ZNF804B: variants seen among roughly 807,000 people sequenced by gnomAD.
ZNF804B encodes the protein zinc finger 804B.
A neutral mutation model predicts 101.4 loss-of-function variants in ZNF804B; 80 were observed. That is an observed-to-expected ratio of 0.79 (90% CI 0.66 to 0.95). The LOEUF (loss-of-function observed/expected upper bound fraction) is 0.95. Ranked by LOEUF, ZNF804B falls within the 40% of genes least tolerant of loss-of-function variation. ZNF804B has a pLI of 0.00. For missense variants in ZNF804B, 1,673 were observed against 1,561.9 expected (o/e 1.07, Z -1.20); for synonymous variants, 622 against 558.8 (o/e 1.11, Z -1.59).
chr7:88,776,538 T>C (rs1790141611), intron 1 of ZNF804B, among the ~76,000 whole-genome samples: 1 of 150,802 alleles, frequency 6.6e-6, no homozygotes, highest in African/African-American at 2.4e-5. Flanking sequence ...TGTAGTGGCT[T>C]TTCTATTTCT....
chr7:89,289,245 C>T (rs10262799), intron 2 of ZNF804B, among the ~76,000 whole-genome samples: 140 of 152,118 alleles, frequency 9.2e-4, no homozygotes, highest in African/African-American at 3.1e-3. Context: ...GTTGTCGTTA[C>T]GTTAAATATA....
chr7:88,941,314 G>T (rs1468715877), intron 1 of ZNF804B, among the ~76,000 whole-genome samples: 1 of 152,036 alleles, frequency 6.6e-6, no homozygotes, highest in East Asian at 1.9e-4. Context: ...CCTGCACACA[G>T]ATATTTATAG....
chr7:89,055,055 G>A (rs1789269669), intron 1 of ZNF804B, among the ~76,000 whole-genome samples: 1 of 152,082 alleles, frequency 6.6e-6, no homozygotes, highest in Non-Finnish European at 1.5e-5. Flanking sequence ...AGAGTAATGA[G>A]TTAAAGAGTG....
intron 1 of ZNF804B, among the ~76,000 whole-genome samples, chr7:89,100,158 A>G (rs930361798): frequency 1.3e-5 from 2 of 152,200 alleles, no homozygotes; most frequent in African/African-American, 2.4e-5. Flanking sequence ...AAGTAAATCC[A>G]TACATCTACA....
intron 2 of ZNF804B, among the ~76,000 whole-genome samples, chr7:89,224,712 A>ATGTGTGTGTGTGTG (rs56064065): frequency 6.9e-6 from 1 of 144,076 alleles, no homozygotes; most frequent in South Asian, 2.2e-4. Context: ...CTGGCAAAGT[A>ATGTGTGTGTGTGTG]TGTGTGTGTG....
intron 1 of ZNF804B, among the ~76,000 whole-genome samples, chr7:88,981,821 T>C (rs1043181804): frequency 6.6e-6 from 1 of 151,988 alleles, no homozygotes; most frequent in African/African-American, 2.4e-5. Context: ...CGCAAGCATA[T>C]ACAGATTATC....
intron 1 of ZNF804B, among the ~76,000 whole-genome samples, chr7:88,816,729 A>T (rs1301440530): frequency 7.1e-6 from 1 of 141,464 alleles, no homozygotes; most frequent in African/African-American, 2.7e-5. Context: ...AAAGTCAGGA[A>T]ACAACAGGTG....
rs576295730 is a variant in ZNF804B at position 88,809,137 on chromosome 7, T to C, written c.108+49053T>C. The stretch of plus-strand genomic sequence containing the variant: ...CTTGGTATTTTAAGGATTTCTAATG[T>C]GAAAGAATCTGCCTTACTAAGTAAC... On this transcript the variant is annotated intron_variant, in intron 1 of 3. Transcript: ENST00000333190. 1.2e-3 allele frequency among the ~76,000 whole-genome samples: 189 copies of C among 152,322 alleles called. No homozygotes were observed. The Middle Eastern group carries it at 0.02, about 16-fold the overall frequency.
chr7:88,934,174 C>G (rs1792932983), intron 1 of ZNF804B, among the ~76,000 whole-genome samples: 1 of 151,920 alleles, frequency 6.6e-6, no homozygotes, highest in East Asian at 1.9e-4. Context: ...AAAGGATAAT[C>G]TATTCAATAA....
chr7:89,157,147 G>A (rs1459296136), intron 1 of ZNF804B, among the ~76,000 whole-genome samples: 1 of 152,170 alleles, frequency 6.6e-6, no homozygotes, highest in African/African-American at 2.4e-5. Flanking sequence ...TAAAACAAAT[G>A]CCTAGGGTAG....
chr7:88,968,081 A>G (rs1793483278), intron 1 of ZNF804B, among the ~76,000 whole-genome samples: 1 of 151,704 alleles, frequency 6.6e-6, no homozygotes, highest in South Asian at 2.1e-4. Context: ...AAATTCATCA[A>G]GAGAGTCTTC....
At chr7:88,761,928 A>G (rs770297267) in intron 1 of ZNF804B, among the ~76,000 whole-genome samples, 8 of 152,174 alleles carry the variant, frequency 5.3e-5, no homozygotes, top group Non-Finnish European at 1.0e-4. Context: ...GACTGACACT[A>G]TAGAGACTGG....
At chr7:89,055,881 T>C (rs1393974134) in intron 1 of ZNF804B, among the ~76,000 whole-genome samples, 1 of 152,124 alleles carries the variant, frequency 6.6e-6, no homozygotes, top group African/African-American at 2.4e-5. Flanking sequence ...CTTAGAAGAA[T>C]AGATGAAAGC....
At chr7:89,135,114 G>A (rs775587556) in intron 1 of ZNF804B, among the ~76,000 whole-genome samples, 7 of 152,034 alleles carry the variant, frequency 4.6e-5, no homozygotes, top group Non-Finnish European at 1.0e-4. Flanking sequence ...GTTTCAAAGC[G>A]AATCAAGACC....
At chr7:89,004,164 G>T (rs1255892111) in intron 1 of ZNF804B, among the ~76,000 whole-genome samples, 1 of 150,986 alleles carries the variant, frequency 6.6e-6, no homozygotes, top group East Asian at 1.9e-4. Context: ...ATTTTAAAAT[G>T]TATTCAAAAA....
Position 88,781,854 on chromosome 7 carries a change from C to A in ZNF804B, c.108+21770C>A, listed in dbSNP as rs78154344. ...CTTATTAGCTTCAAGAGACAAAAAC[C>A]CCCGCGACACTTTACCTGACTTAAG... On this transcript the variant is annotated intron_variant, in intron 1 of 3. Coordinates refer to ENST00000333190, the MANE Select transcript of ZNF804B (RefSeq NM_181646.5). Among the ~76,000 whole-genome samples the A allele has an allele frequency of 6.8e-3, 1,032 of 152,100 alleles. 14 individuals carry two copies. Among genetic ancestry groups the A allele is most frequent in the African/African-American group, 0.023 (960 of 41,500 alleles).
intron 1 of ZNF804B, among the ~76,000 whole-genome samples, chr7:89,120,249 C>T (rs550139974): frequency 1.3e-5 from 2 of 152,190 alleles, no homozygotes; most frequent in South Asian, 4.1e-4. Flanking sequence ...GATCGCACCA[C>T]TGCACTCCAG....
At chr7:89,103,181 T>A (rs1016346445) in intron 1 of ZNF804B, among the ~76,000 whole-genome samples, 7 of 150,674 alleles carry the variant, frequency 4.6e-5, no homozygotes, top group Admixed American at 1.3e-4. Flanking sequence ...TAGGAATGCT[T>A]TGGTTATTCA....
At chr7:88,972,798 A>G (rs1298923913) in intron 1 of ZNF804B, among the ~76,000 whole-genome samples, 1 of 151,372 alleles carries the variant, frequency 6.6e-6, no homozygotes, top group African/African-American at 2.4e-5. Context: ...CACTAATAGT[A>G]TACCTGCCTT....
Sources: allele counts gnomAD v4.1 joint callset (sites outside exome capture counted in the v4.1 genomes callset), GRCh38; gene constraint gnomAD v4.1.1; transcripts MANE v1.5; gene names NCBI Gene and HGNC (gene_info 2026-07-23, HGNC 2026-07-21).